SUMF1: variants seen among roughly 807,000 people sequenced by gnomAD.
SUMF1 encodes the protein sulfatase modifying factor 1.
A neutral mutation model predicts 47.6 loss-of-function variants in SUMF1; 48 were observed. The ratio of observed to expected loss-of-function variants is 1.01; its 90% CI spans 0.80 to 1.28. The LOEUF (loss-of-function observed/expected upper bound fraction) is 1.28, where lower values mean the gene tolerates loss of function less well. Ranked by LOEUF, SUMF1 falls within the 50% of genes most tolerant of loss-of-function variation. The pLI is 0.00. For synonymous variants in SUMF1, 230 were observed against 192.1 expected, an observed-to-expected ratio of 1.20 and a Z score of -1.63; for missense variants, 571 against 485.4, an observed-to-expected ratio of 1.18 and a Z score of -1.66.
chr3:4,426,056 G>A (rs530211289), intron 3 of SUMF1, among the ~76,000 whole-genome samples: 21 of 152,278 alleles, frequency 1.4e-4, no homozygotes, highest in East Asian at 3.9e-4. Flanking sequence ...CCCATGACAC[G>A]TAAAGATTAT....
chr3:4,464,415 T>C (rs1424514582), intron 1 of SUMF1, among the ~76,000 whole-genome samples: 1 of 147,524 alleles, frequency 6.8e-6, no homozygotes, highest in East Asian at 2.0e-4. Flanking sequence ...TGTGTGTTTG[T>C]GTGTGTGTGT....
intron 7 of SUMF1, among the ~76,000 whole-genome samples, chr3:4,395,706 C>T (rs775133407): frequency 9.2e-5 from 14 of 152,112 alleles, no homozygotes; most frequent in South Asian, 6.2e-4. Context: ...AGATTAGAAA[C>T]GAAGAGAATT....
At chr3:4,035,148 T>C (rs569987573) in intron 9 of SUMF1, among the ~76,000 whole-genome samples, 46 of 152,142 alleles carry the variant, frequency 3.0e-4, no homozygotes, top group Middle Eastern at 3.2e-3. Flanking sequence ...AGTTAGTCTA[T>C]GGTTTCAAAA....
chr3:4,315,059 A>T (rs1208212645), intron 8 of SUMF1, among the ~76,000 whole-genome samples: 2 of 152,160 alleles, frequency 1.3e-5, no homozygotes, highest in Non-Finnish European at 2.9e-5. Context: ...TGTTCATATA[A>T]CATTACATGG....
At chr3:4,429,524 CCA>C (rs1315862495) in intron 3 of SUMF1, among the ~76,000 whole-genome samples, 1 of 152,100 alleles carries the variant, frequency 6.6e-6, no homozygotes, top group East Asian at 1.9e-4. Context: ...GGAAATTCTC[CCA>C]CACACGTTGT....
intron 8 of SUMF1, among the ~76,000 whole-genome samples, chr3:4,284,003 T>A (rs1697580288): frequency 1.3e-5 from 2 of 152,160 alleles, no homozygotes; most frequent in Non-Finnish European, 2.9e-5. Context: ...CTCCCCATTA[T>A]CATCACCTTG....
intron 8 of SUMF1, among the ~76,000 whole-genome samples, chr3:4,120,693 T>A (rs1013536420): frequency 1.3e-5 from 2 of 152,034 alleles, no homozygotes; most frequent in Non-Finnish European, 2.9e-5. Context: ...AGGAAGAGGT[T>A]TGGGCAAAGT....
chr3:4,406,061 C>T (rs1701366002), intron 7 of SUMF1, among the ~76,000 whole-genome samples: 1 of 152,086 alleles, frequency 6.6e-6, no homozygotes, highest in South Asian at 2.1e-4. Flanking sequence ...ACACCGCCCG[C>T]CCCATGCTTC....
chr3:4,210,414 G>A (rs1338150750), intron 8 of SUMF1, among the ~76,000 whole-genome samples: 1 of 152,014 alleles, frequency 6.6e-6, no homozygotes, highest in Non-Finnish European at 1.5e-5. Flanking sequence ...AATAACTAAG[G>A]CAATGTGGTA....
At chr3:4,072,207 C>T (rs1022612671) in intron 8 of SUMF1, among the ~76,000 whole-genome samples, 18 of 152,266 alleles carry the variant, frequency 1.2e-4, no homozygotes, top group Middle Eastern at 3.4e-3. Flanking sequence ...AGTGGCCTGA[C>T]TGTCAGAAGG....
chr3:4,401,841 T>C (rs549579104), intron 7 of SUMF1, among the ~76,000 whole-genome samples: 93 of 152,270 alleles, frequency 6.1e-4, no homozygotes, highest in African/African-American at 2.1e-3. Context: ...TCTTATAGCA[T>C]ATGGCTCTCC....
chr3:4,197,578 G>T lies in SUMF1; in HGVS notation c.1015-128833C>A, dbSNP rs536113761. On this transcript the variant is annotated intron_variant and NMD_transcript_variant, in intron 8 of 12. Coordinates refer to the SUMF1 transcript ENST00000448413. The stretch of plus-strand genomic sequence containing the variant: ...CTTCTCTGGAAAAGAACAGGAGAAA[G>T]AATGTTTTGATTAAGGTAATAGAAT... 3.9e-5 allele frequency among the ~76,000 whole-genome samples: 6 copies of T among 152,258 alleles called. No individual in the cohort carries two copies. The East Asian group carries it at 5.8e-4, about 15-fold the overall frequency.
At chr3:4,124,395 C>T (rs1473151106) in intron 8 of SUMF1, among the ~76,000 whole-genome samples, 2 of 152,048 alleles carry the variant, frequency 1.3e-5, no homozygotes, top group Admixed American at 6.6e-5. Flanking sequence ...ATTCTCCTTC[C>T]TATAAATACA....
rs773862055 is a variant in SUMF1 at position 4,449,289 on chromosome 3, C to T, written c.496G>A (p.Val166Met). 2 of 1,614,170 alleles carry T rather than the reference C, an allele frequency of 1.2e-6. No homozygotes were observed. Among genetic ancestry groups the T allele is most frequent in the Non-Finnish European group, 1.7e-6 (2 of 1,180,008 alleles). ...FVFEGMLSEQ[V>M]KTNIQQAVAA... ...ACTGCCTGTTGAATATTGGTCTTCA[C>T]TTGCTCACTCAACATGCCTTCAAAG... The change falls in exon 3 of 9, where the codon GTG (valine) becomes ATG (methionine). Residue 166 changes from valine to methionine, a missense_variant. Val to Met is a conservative substitution (Grantham distance 21, BLOSUM62 1). Transcript: ENST00000272902.
intron 8 of SUMF1, among the ~76,000 whole-genome samples, chr3:4,241,807 C>T (rs992789606): frequency 3.3e-5 from 5 of 152,082 alleles, no homozygotes; most frequent in Non-Finnish European, 7.4e-5. Flanking sequence ...ATGGGACTTC[C>T]GGCCCACAGT....
chr3:4,388,091 A>T (rs1700732521), intron 7 of SUMF1, among the ~76,000 whole-genome samples: 1 of 152,020 alleles, frequency 6.6e-6, no homozygotes, highest in Non-Finnish European at 1.5e-5. Context: ...CCTTTGGTTG[A>T]TGGTATTGTT....
intron 8 of SUMF1, among the ~76,000 whole-genome samples, chr3:4,168,907 A>G (rs1694770278): frequency 6.6e-6 from 1 of 152,200 alleles, no homozygotes; most frequent in Non-Finnish European, 1.5e-5. Flanking sequence ...TTCTTCCACT[A>G]ATTGAGCACA....
intron 8 of SUMF1, among the ~76,000 whole-genome samples, chr3:4,325,545 A>G (rs113167874): frequency 0.012 from 1,770 of 149,326 alleles, 18 homozygotes; most frequent in African/African-American, 0.037. Flanking sequence ...GTGTGTATAT[A>G]TGTGTGTGTC....
At chr3:4,436,380 T>C (rs553508275) in intron 3 of SUMF1, among the ~76,000 whole-genome samples, 4 of 152,062 alleles carry the variant, frequency 2.6e-5, no homozygotes, top group African/African-American at 4.8e-5. Context: ...ACTAAAGATA[T>C]AGCCAAATAG....
Sources: allele counts gnomAD v4.1 joint callset (sites outside exome capture counted in the v4.1 genomes callset), GRCh38; gene constraint gnomAD v4.1.1; transcripts MANE v1.5; gene names NCBI Gene and HGNC (gene_info 2026-07-23, HGNC 2026-07-21).